Variants in FRMPD1 observed in about 807,000 individuals in gnomAD.
FRMPD1 encodes FERM and PDZ domain containing 1, also known as FERM and PDZ domain-containing protein 1.
FRMPD1 carries 76 observed loss-of-function variants against 117.8 expected under a neutral mutation model. The ratio of observed to expected loss-of-function variants is 0.65; its 90% CI spans 0.54 to 0.78. The LOEUF is 0.78. Ranked by LOEUF, FRMPD1 falls within the 30% of genes least tolerant of loss-of-function variation. FRMPD1 has a pLI of 0.00. For missense variants in FRMPD1, 1,786 were observed against 1,964.5 expected (o/e 0.91, Z 1.72); for synonymous variants, 783 against 770.4 (o/e 1.02, Z -0.27).
chr9:37,709,118 T>C (rs978368690), intron 4 of FRMPD1, among the ~76,000 whole-genome samples: 7 of 152,122 alleles, frequency 4.6e-5, no homozygotes, highest in Non-Finnish European at 7.4e-5. Flanking sequence ...AACCCAGACT[T>C]TAAGACGGAG....
chr9:37,720,711 A>G (rs1394405872), intron 6 of FRMPD1, among the ~76,000 whole-genome samples: 1 of 151,322 alleles, frequency 6.6e-6, no homozygotes, highest in Non-Finnish European at 1.5e-5. Flanking sequence ...ACGTGGTGAA[A>G]CCACATCTCT....
chr9:37,620,025 T>C, the FRMPD1 span, among the ~76,000 whole-genome samples: 2 of 152,064 alleles, frequency 1.3e-5, no homozygotes, highest in African/African-American at 4.8e-5. Context: ...TGGGAGGCAG[T>C]TGGCAGCTGC....
intron 2 of FRMPD1, among the ~76,000 whole-genome samples, chr9:37,697,081 T>C (rs575776841): frequency 6.6e-6 from 1 of 152,324 alleles, no homozygotes; most frequent in Admixed American, 6.5e-5. Flanking sequence ...TCTTAAATTT[T>C]AGATTAATTT....
chr9:37,624,376 A>T, the FRMPD1 span, among the ~76,000 whole-genome samples: 1 of 152,214 alleles, frequency 6.6e-6, no homozygotes, highest in Non-Finnish European at 1.5e-5. Context: ...GGGCAGAAAT[A>T]CACATGAGGG....
upstream of FRMPD1, among the ~76,000 whole-genome samples, chr9:37,647,751 T>C (rs569740330): frequency 6.6e-6 from 1 of 152,122 alleles, no homozygotes; most frequent in East Asian, 1.9e-4. Context: ...TGTACATAAG[T>C]ACAGCAGAGG....
chr9:37,688,491 C>T (rs1235187263), intron 1 of FRMPD1, among the ~76,000 whole-genome samples: 1 of 151,926 alleles, frequency 6.6e-6, no homozygotes, highest in Admixed American at 6.6e-5. Context: ...TGACAATATA[C>T]ATCCAAATTC....
At chr9:37,733,931 A>T in intron 12 of FRMPD1, 106 bp downstream of exon 12, 1 of 721,794 alleles carries the variant, frequency 1.4e-6, no homozygotes, top group Non-Finnish European at 2.5e-6. Flanking sequence ...TCTGTCATGT[A>T]CTAGAATTTG....
Position 37,735,521 on chromosome 9 carries a change from T to C in FRMPD1, c.1219-31T>C, listed in dbSNP as rs60707262. ...AAATGTATTTTCACTCGCTTGCGAA[T>C]GGAGACTAATTCCCCTTCCACCCTC... is the stretch of plus-strand genomic sequence containing the variant. On this transcript the variant is annotated intron_variant, in intron 12 of 15. Transcript: ENST00000377765. The C allele has an allele frequency of 3.3e-3, 5,130 of 1,534,278 alleles. 145 individuals are homozygous for C. The African/African-American group carries it at 0.06, about 18-fold the overall frequency.
intron 2 of FRMPD1, among the ~76,000 whole-genome samples, chr9:37,693,674 C>T (rs936501205): frequency 3.3e-5 from 5 of 152,214 alleles, no homozygotes; most frequent in Admixed American, 6.5e-5. Flanking sequence ...TTTGGTCTGA[C>T]GTTTCAAGCT....
Position 37,692,737 on chromosome 9 carries a change from G to C in FRMPD1, c.96G>C (p.Ser32=), listed in dbSNP as rs1178414581. 6 of 1,610,550 alleles carry C rather than the reference G, an allele frequency of 3.7e-6. No homozygotes were observed. The highest frequency in any genetic ancestry group is 5.1e-6 in the Non-Finnish European group (6 of 1,176,786). Residue 32 remains serine, a synonymous_variant, in exon 2 of 16, where the codon TCG becomes TCC. Transcript: ENST00000377765. ...ARWLRRSRDS[S]ARAKVAAADG... ...GGCTTCGGCGCTCCCGGGACAGCTC[G>C]GCCCGGTAAGCCTCCTGAGTTTGCA...
chr9:37,738,746 G>T (rs372148597), intron 14 of FRMPD1, among the ~76,000 whole-genome samples: 99 of 152,202 alleles, frequency 6.5e-4, no homozygotes, highest in African/African-American at 2.1e-3. Context: ...GAGGGGTTGT[G>T]GGGGGGACTG....
intron 1 of FRMPD1, among the ~76,000 whole-genome samples, chr9:37,667,014 T>C (rs1311076663): frequency 6.7e-6 from 1 of 150,152 alleles, no homozygotes; most frequent in Non-Finnish European, 1.5e-5. Context: ...TATTCCTCTC[T>C]TATGGTGTTC....
At chr9:37,677,081 C>T (rs1588919173) in intron 1 of FRMPD1, among the ~76,000 whole-genome samples, 1 of 152,162 alleles carries the variant, frequency 6.6e-6, no homozygotes, top group Non-Finnish European at 1.5e-5. Context: ...AGTCTAGAGT[C>T]CAGGGACTGG....
At chr9:37,692,213 CA>C (rs931186226) in intron 1 of FRMPD1, among the ~76,000 whole-genome samples, 2 of 152,176 alleles carry the variant, frequency 1.3e-5, no homozygotes, top group African/African-American at 4.8e-5. Flanking sequence ...GGAATCTGCA[CA>C]ATGTGATGAA....
intron 4 of FRMPD1, among the ~76,000 whole-genome samples, chr9:37,709,683 G>A (rs1822840048): frequency 6.6e-6 from 1 of 152,192 alleles, no homozygotes; most frequent in African/African-American, 2.4e-5. Context: ...TTTCAGTTGT[G>A]TCTTTAATGC....
the FRMPD1 span, among the ~76,000 whole-genome samples, chr9:37,637,966 T>TTC: frequency 2.2e-5 from 1 of 44,600 alleles, no homozygotes; most frequent in Admixed American, 2.1e-4. Flanking sequence ...GGTGTATGCT[T>TTC]TCTTTCTTTC....
chr9:37,637,996 C>CTT, the FRMPD1 span, among the ~76,000 whole-genome samples: 1 of 125,238 alleles, frequency 8.0e-6, no homozygotes, highest in Non-Finnish European at 1.7e-5. Flanking sequence ...TTCTTTCTTT[C>CTT]TTTCTTTCTT....
At position 37,699,321 on chromosome 9, in the gene FRMPD1, C is replaced by CTTT. The variant is rs3076723; in HGVS notation, c.101+6593_101+6595dup. 2.7e-3 allele frequency among the ~76,000 whole-genome samples: 370 copies of CTTT among 137,956 alleles called. 2 individuals carry two copies. Among genetic ancestry groups the CTTT allele is most frequent in the Admixed American group, 4.0e-3 (55 of 13,736 alleles). The allele number at this position is 137,956 out of a possible 152,430, so 90.5% of individuals were successfully genotyped here. ...TTTACTGAATTCTCTCTGTCTCTCT[C>CTTT]TTTTTTTTTTTTTTTTGAGATAGGG... On this transcript the variant is annotated intron_variant, in intron 2 of 15. Coordinates refer to ENST00000377765, the MANE Select transcript of FRMPD1 (RefSeq NM_014907.3).
At chr9:37,706,380 G>A (rs533886488) in intron 2 of FRMPD1, among the ~76,000 whole-genome samples, 1 of 152,314 alleles carries the variant, frequency 6.6e-6, no homozygotes, top group East Asian at 1.9e-4. Flanking sequence ...ATTGCATTAG[G>A]CAGGGTTCCT....
Sources: gnomAD v4.1 joint callset for allele counts (sites outside exome capture counted in the v4.1 genomes callset) on GRCh38, gnomAD v4.1.1 for gene constraint, MANE v1.5 for transcripts, NCBI Gene and HGNC (gene_info 2026-07-23, HGNC 2026-07-21) for gene names.